Variants in HYAL4 observed in about 807,000 individuals in gnomAD.
The protein encoded by HYAL4 is hyaluronidase-4.
Under a neutral mutation model 35.2 loss-of-function variants are expected in HYAL4, and 37 were observed. That is an observed-to-expected ratio of 1.05 (90% confidence interval 0.81 to 1.38). HYAL4 has a LOEUF of 1.38. Among genes scored for constraint, HYAL4 ranks in the 40% most tolerant of loss-of-function variants. HYAL4 has a pLI of 0.00. For synonymous variants in HYAL4, 198 were observed against 203.2 expected (o/e 0.97, Z 0.22); for missense variants, 572 against 572.4 (o/e 1.00, Z 0.01).
chr7:123,831,407 C>T (rs1456966002), intron 1 of HYAL4, among the ~76,000 whole-genome samples: 3 of 152,228 alleles, frequency 2.0e-5, no homozygotes, highest in Non-Finnish European at 2.9e-5. Flanking sequence ...GAGACACCAC[C>T]ATATTTTGAT....
the HYAL4 span, among the ~76,000 whole-genome samples, chr7:123,804,110 C>T: frequency 6.6e-6 from 1 of 152,170 alleles, no homozygotes. Context: ...GCTTTCTCCC[C>T]TCTCTAACAA....
intron 2 of HYAL4, among the ~76,000 whole-genome samples, chr7:123,862,241 T>G (rs1393206277): frequency 6.6e-6 from 1 of 152,162 alleles, no homozygotes; most frequent in East Asian, 1.9e-4. Flanking sequence ...AAATATCACT[T>G]TGGTCAGTAC....
At chr7:123,831,734 C>T (rs79606198) in intron 1 of HYAL4, among the ~76,000 whole-genome samples, 77 of 152,208 alleles carry the variant, frequency 5.1e-4, no homozygotes, top group Non-Finnish European at 9.9e-4. Flanking sequence ...CCTCCCCATG[C>T]GTTTGTTGGG....
At chr7:123,847,563 A>T (rs1295993855) in intron 1 of HYAL4, among the ~76,000 whole-genome samples, 2 of 152,124 alleles carry the variant, frequency 1.3e-5, no homozygotes, top group Non-Finnish European at 2.9e-5. Flanking sequence ...GGATCACAAG[A>T]TCAGGAGATC....
At chr7:123,768,819 C>T in the HYAL4 span, among the ~76,000 whole-genome samples, 1 of 152,174 alleles carries the variant, frequency 6.6e-6, no homozygotes, top group African/African-American at 2.4e-5. Context: ...GATCAGCTAG[C>T]TGAGGAGATT....
intron 4 of HYAL4, among the ~76,000 whole-genome samples, chr7:123,875,282 A>G (rs973469411): frequency 6.6e-6 from 1 of 152,212 alleles, no homozygotes; most frequent in Non-Finnish European, 1.5e-5. Flanking sequence ...CTATTTTGAG[A>G]GGTAGAAACA....
chr7:123,866,789 CTT>C (rs1009764748), intron 2 of HYAL4, among the ~76,000 whole-genome samples: 73 of 134,158 alleles, frequency 5.4e-4, no homozygotes, highest in African/African-American at 2.0e-3. Context: ...CTTTCTCTCT[CTT>C]TTTTTTTTTT....
At chr7:123,843,652 G>T (rs975784175), upstream of HYAL4, among the ~76,000 whole-genome samples, 9 of 151,928 alleles carry the variant, frequency 5.9e-5, no homozygotes, top group Non-Finnish European at 5.9e-5. Context: ...CATACATTTG[G>T]TCTTTTCACA....
At chr7:123,833,488 C>T (rs117694381) in intron 1 of HYAL4, among the ~76,000 whole-genome samples, 2,134 of 152,142 alleles carry the variant, frequency 0.014, 23 homozygotes, top group South Asian at 0.024. Flanking sequence ...AGTCCTTTGT[C>T]TGATGTATAG....
In HYAL4 at chr7:123,874,810, G is replaced by A; in HGVS notation, c.1004G>A (p.Gly335Asp). Reference sequence around the variant, plus strand: ...GAAAGTGCTGCCTTGGGAGCTGCAGGCATTGTTATTTGGGGAGACATGAAT... The same window carrying A: ...GAAAGTGCTGCCTTGGGAGCTGCAGACATTGTTATTTGGGGAGACATGAAT... ...IGESAALGAA[G>D]IVIWGDMNLT... is the part of the protein sequence containing the mutation. The change falls in exon 4 of 5, where the codon GGC (glycine) becomes GAC (aspartate). Residue 335 changes from glycine (G) to aspartate (D), a missense_variant. Transcript: ENST00000223026. The A allele has an allele frequency of 6.2e-7, 1 of 1,610,366 alleles. No individual in the cohort carries two copies. The highest frequency in any genetic ancestry group is 8.5e-7 in the Non-Finnish European group (1 of 1,176,520).
chr7:123,866,741 C>A (rs2116953667), intron 2 of HYAL4, among the ~76,000 whole-genome samples: 1 of 151,696 alleles, frequency 6.6e-6, no homozygotes, highest in East Asian at 1.9e-4. Flanking sequence ...CCACTATCGT[C>A]TTCCCTCTTC....
chr7:123,765,469 A>G, the HYAL4 span, among the ~76,000 whole-genome samples: 1 of 152,142 alleles, frequency 6.6e-6, no homozygotes, highest in Non-Finnish European at 1.5e-5. Context: ...TCTATGGGAA[A>G]TGTGGTATGA....
upstream of HYAL4, among the ~76,000 whole-genome samples, chr7:123,826,013 G>A (rs1805799757): frequency 6.6e-6 from 1 of 151,712 alleles, no homozygotes; most frequent in South Asian, 2.1e-4. Context: ...GCTTTAAAAT[G>A]TTAGGACATT....
At chr7:123,804,801 A>G in the HYAL4 span, among the ~76,000 whole-genome samples, 1 of 152,266 alleles carries the variant, frequency 6.6e-6, no homozygotes, top group African/African-American at 2.4e-5. Flanking sequence ...AACTTTGGCT[A>G]TAGATTATAG....
At chr7:123,871,927 T>G (rs1806892759) in intron 3 of HYAL4, among the ~76,000 whole-genome samples, 1 of 152,238 alleles carries the variant, frequency 6.6e-6, no homozygotes, top group Admixed American at 6.5e-5. Context: ...AGACAGAAGA[T>G]TGCCTGCATT....
chr7:123,817,462 T>G, the HYAL4 span, among the ~76,000 whole-genome samples: 1 of 151,960 alleles, frequency 6.6e-6, no homozygotes, highest in South Asian at 2.1e-4. Context: ...TCCTAATTGG[T>G]GTTCCTGCCT....
At chr7:123,808,966 C>T in the HYAL4 span, among the ~76,000 whole-genome samples, 1 of 152,142 alleles carries the variant, frequency 6.6e-6, no homozygotes. Flanking sequence ...AATATAATCA[C>T]ATTAGAGATT....
chr7:123,861,902 A>G (rs1806584031), intron 2 of HYAL4, among the ~76,000 whole-genome samples: 1 of 152,194 alleles, frequency 6.6e-6, no homozygotes, highest in Non-Finnish European at 1.5e-5. Flanking sequence ...AGAGTAGATT[A>G]TATTATAAAC....
At chr7:123,807,450 T>C in the HYAL4 span, among the ~76,000 whole-genome samples, 1 of 148,456 alleles carries the variant, frequency 6.7e-6, no homozygotes, top group South Asian at 2.2e-4. Flanking sequence ...TTTTTTTTTT[T>C]TTGAGACAGA....
Sources: gnomAD v4.1 joint callset for allele counts (sites outside exome capture counted in the v4.1 genomes callset) on GRCh38, gnomAD v4.1.1 for gene constraint, MANE v1.5 for transcripts, NCBI Gene and HGNC (gene_info 2026-07-23, HGNC 2026-07-21) for gene names.